Variants in SYT1 observed in about 807,000 individuals in gnomAD.
SYT1 encodes synaptotagmin-1.
SYT1 carries 8 observed loss-of-function variants against 44.8 expected under a neutral mutation model. The observed-to-expected ratio is 0.18, with a 90% confidence interval of 0.10 to 0.32. The LOEUF (loss-of-function observed/expected upper bound fraction) is 0.32, where lower values mean the gene tolerates loss of function less well. SYT1 is among the 10% of genes least tolerant of loss of function. The pLI is 1.00. For synonymous variants in SYT1, 154 were observed against 188.8 expected, an observed-to-expected ratio of 0.82 and a Z score of 1.51; for missense variants, 286 against 509.3, an observed-to-expected ratio of 0.56 and a Z score of 4.22.
At chr12:79,414,042 T>C (rs1263128362) in intron 9 of SYT1, among the ~76,000 whole-genome samples, 2 of 152,148 alleles carry the variant, frequency 1.3e-5, no homozygotes, top group Non-Finnish European at 2.9e-5. Context: ...TAGTGGGCAA[T>C]AACACAGAAC....
rs375379910 is a variant in SYT1, at chr12:78,890,404, G to A, written c.-217+25295G>A. On this transcript the variant is annotated intron_variant, in intron 1 of 10. Transcript: ENST00000261205. ...GGGCCTGTCGTGGGGTGACGGGAGC[G>A]GGGAAGGATAGCATTAGTAGATATA... Among the ~76,000 whole-genome samples the A allele has an allele frequency of 9.9e-5, 15 of 151,880 alleles. 1 individual carries two copies. In the East Asian group the frequency reaches 2.1e-3, roughly 22 times the overall value.
chr12:79,409,456 T>C (rs1019573501), intron 9 of SYT1, among the ~76,000 whole-genome samples: 2 of 152,110 alleles, frequency 1.3e-5, no homozygotes, highest in African/African-American at 4.8e-5. Context: ...ATTTTTGATA[T>C]CGTTAATAAG....
At chr12:79,343,626 G>A (rs996971312) in intron 8 of SYT1, among the ~76,000 whole-genome samples, 1 of 152,096 alleles carries the variant, frequency 6.6e-6, no homozygotes, top group Non-Finnish European at 1.5e-5. Flanking sequence ...TTTTAATGTT[G>A]AAAGAAAGAT....
chr12:78,975,846 G>A (rs749693073), intron 1 of SYT1, among the ~76,000 whole-genome samples: 3 of 152,148 alleles, frequency 2.0e-5, no homozygotes, highest in Non-Finnish European at 4.4e-5. Context: ...TCAGAGAGTT[G>A]AGGGGAAGCC....
intron 3 of SYT1, among the ~76,000 whole-genome samples, chr12:79,052,385 C>A (rs1314133958): frequency 1.3e-5 from 2 of 152,048 alleles, no homozygotes; most frequent in African/African-American, 4.8e-5. Context: ...ACATGTTAGA[C>A]CTAAAACCAT....
At position 79,360,353 on chromosome 12, in the gene SYT1, C is replaced by G. The variant is rs767289769; in HGVS notation, c.928+6734C>G. ...AAATTATTATCTTTTTTTCTTGAGT[C>G]TCCTCCACTGAAAGAGGAAATAAAA... On this transcript the variant is annotated intron_variant, in intron 9 of 10. Transcript: ENST00000261205. Among the ~76,000 whole-genome samples the G allele has an allele frequency of 3.3e-5, 5 of 152,190 alleles. No individual in the cohort carries two copies. In the South Asian group the frequency reaches 1.0e-3, roughly 32 times the overall value.
At chr12:79,136,159 A>G (rs1197677902) in intron 3 of SYT1, among the ~76,000 whole-genome samples, 1 of 152,212 alleles carries the variant, frequency 6.6e-6, no homozygotes, top group African/African-American at 2.4e-5. Flanking sequence ...TGATTATTCT[A>G]AAAATAAATC....
At chr12:78,944,061 G>T (rs1335092060) in intron 1 of SYT1, among the ~76,000 whole-genome samples, 1 of 151,936 alleles carries the variant, frequency 6.6e-6, no homozygotes, top group African/African-American at 2.4e-5. Context: ...CCTTTTGGTT[G>T]TATATATTGA....
intron 2 of SYT1, among the ~76,000 whole-genome samples, chr12:79,022,202 C>A (rs1054716394): frequency 6.6e-6 from 1 of 151,674 alleles, no homozygotes; most frequent in Non-Finnish European, 1.5e-5. Context: ...CTGTGGAGAG[C>A]CATTATCTCA....
intron 1 of SYT1, among the ~76,000 whole-genome samples, chr12:78,883,177 A>G (rs775424191): frequency 1.3e-5 from 2 of 151,706 alleles, no homozygotes; most frequent in Admixed American, 6.6e-5. Flanking sequence ...ATAACAGTGA[A>G]CAATTGATGT....
At chr12:79,271,248 T>C (rs997915629) in intron 4 of SYT1, among the ~76,000 whole-genome samples, 1 of 152,186 alleles carries the variant, frequency 6.6e-6, no homozygotes, top group Non-Finnish European at 1.5e-5. Context: ...ATGTCAGGAC[T>C]CCTTAAGTAA....
At chr12:79,062,635 A>C (rs963877103) in intron 3 of SYT1, among the ~76,000 whole-genome samples, 6 of 152,142 alleles carry the variant, frequency 3.9e-5, no homozygotes, top group African/African-American at 1.4e-4. Context: ...CCCCATGGTG[A>C]CTGAAACTTG....
intron 2 of SYT1, among the ~76,000 whole-genome samples, chr12:79,002,437 C>T (rs1565757456): frequency 6.6e-6 from 1 of 151,822 alleles, no homozygotes. Context: ...CCTTGTTTGG[C>T]TTTTTGCTCA....
At chr12:78,927,430 T>C (rs1173205749) in intron 1 of SYT1, among the ~76,000 whole-genome samples, 1 of 152,200 alleles carries the variant, frequency 6.6e-6, no homozygotes, top group Non-Finnish European at 1.5e-5. Flanking sequence ...AATTTTACTG[T>C]AAGATTAGTG....
At chr12:79,214,834 T>C (rs1874679228) in intron 3 of SYT1, among the ~76,000 whole-genome samples, 1 of 152,186 alleles carries the variant, frequency 6.6e-6, no homozygotes. Flanking sequence ...TCAAATATCT[T>C]CAACTATCCT....
chr12:79,056,745 T>C (rs544525943), intron 3 of SYT1, among the ~76,000 whole-genome samples: 1 of 152,194 alleles, frequency 6.6e-6, no homozygotes, highest in Admixed American at 6.6e-5. Context: ...ATTTTGTATG[T>C]GATGTCTGAA....
chr12:79,344,265 C>A (rs190466531), intron 8 of SYT1, among the ~76,000 whole-genome samples: 1 of 152,278 alleles, frequency 6.6e-6, no homozygotes, highest in East Asian at 1.9e-4. Flanking sequence ...ACCAAACATG[C>A]CTTTTATTTT....
chr12:79,313,793 T>G (rs953671813), intron 8 of SYT1, among the ~76,000 whole-genome samples: 15 of 152,066 alleles, frequency 9.9e-5, no homozygotes, highest in Admixed American at 7.9e-4. Context: ...TTTACTCACC[T>G]CCATGAGTTG....
intron 4 of SYT1, among the ~76,000 whole-genome samples, chr12:79,221,617 T>C (rs1289991010): frequency 6.6e-6 from 1 of 152,182 alleles, no homozygotes; most frequent in Non-Finnish European, 1.5e-5. Context: ...AAAAAACATC[T>C]ATAGTTATAA....
Sources: allele counts gnomAD v4.1 joint callset (sites outside exome capture counted in the v4.1 genomes callset), GRCh38; gene constraint gnomAD v4.1.1; transcripts MANE v1.5; gene names NCBI Gene and HGNC (gene_info 2026-07-23, HGNC 2026-07-21).